The following SHISA9 variants were observed in gnomAD, a reference collection of about 807,000 sequenced individuals.
SHISA9 encodes protein shisa-9.
SHISA9 carries 13 observed loss-of-function variants against 38.0 expected under a neutral mutation model. The ratio of observed to expected loss-of-function variants is 0.34; its 90% confidence interval spans 0.22 to 0.54. The LOEUF is 0.54. SHISA9 is among the 20% of genes least tolerant of loss of function. The probability of loss-of-function intolerance (pLI) is 0.91; values close to 1 mark genes in which losing one functional copy is unlikely to be tolerated. For missense variants in SHISA9, 538 were observed against 575.8 expected, an observed-to-expected ratio of 0.93 and a Z score of 0.67; for synonymous variants, 275 against 242.0, an observed-to-expected ratio of 1.14 and a Z score of -1.27.
In SHISA9 at chr16:13,235,575, G is replaced by C; in HGVS notation, c.*166G>C. ...GGGACACAGAGTCGCGCTTTTCCTA[G>C]GTCATGCCTGTAACGTGTCGGCGGG... On this transcript the variant is annotated 3_prime_UTR_variant, in exon 5 of 5. Transcript: ENST00000558583. 1 of 874,570 alleles carries C rather than the reference G, an allele frequency of 1.1e-6. No homozygotes were observed. Among genetic ancestry groups the C allele is most frequent in the Non-Finnish European group, 1.7e-6 (1 of 591,950 alleles). The allele number at this position is 874,570 out of a possible 1,614,324, so 54.2% of individuals were successfully genotyped here. A position where few individuals can be genotyped will look rare whatever the true frequency, so the allele number is the denominator to read the frequency against.
At chr16:13,436,728 T>G in the SHISA9 span, among the ~76,000 whole-genome samples, 1 of 152,128 alleles carries the variant, frequency 6.6e-6, no homozygotes. Context: ...GAAAACCAAC[T>G]TTAGGCACCT....
chr16:13,234,514 A>G (rs2051361682), intron 4 of SHISA9, among the ~76,000 whole-genome samples: 1 of 149,328 alleles, frequency 6.7e-6, no homozygotes, highest in South Asian at 2.1e-4. Context: ...AACTGCTAAA[A>G]GCAAAAACAA....
At chr16:13,139,852 G>A (rs1269535195) in intron 2 of SHISA9, among the ~76,000 whole-genome samples, 1 of 152,094 alleles carries the variant, frequency 6.6e-6, no homozygotes, top group African/African-American at 2.4e-5. Context: ...CTCAGAAGAG[G>A]CAGGCCTTGC....
chr16:13,074,569 T>C (rs1202195058), intron 2 of SHISA9, among the ~76,000 whole-genome samples: 5 of 152,338 alleles, frequency 3.3e-5, no homozygotes, highest in Middle Eastern at 6.8e-3. Context: ...AAATGAGATA[T>C]ATTCTTCAGC....
chr16:13,133,170 A>C (rs942710767), intron 2 of SHISA9, among the ~76,000 whole-genome samples: 26 of 152,210 alleles, frequency 1.7e-4, no homozygotes, highest in Middle Eastern at 3.2e-3. Flanking sequence ...CTACAGAGCT[A>C]GGTGGAATCT....
chr16:13,260,492 C>G, the SHISA9 span, among the ~76,000 whole-genome samples: 1 of 152,116 alleles, frequency 6.6e-6, no homozygotes, highest in African/African-American at 2.4e-5. Context: ...CAAAATTCCA[C>G]AAGTCTCTAG....
chr16:13,337,543 G>A, the SHISA9 span, among the ~76,000 whole-genome samples: 3 of 152,150 alleles, frequency 2.0e-5, no homozygotes. Context: ...CACCAGTGAA[G>A]TGCCAACATT....
chr16:13,069,215 G>A (rs2073477890), intron 2 of SHISA9, among the ~76,000 whole-genome samples: 1 of 151,882 alleles, frequency 6.6e-6, no homozygotes. Flanking sequence ...TGCATGCAAT[G>A]TGTGTATGTA....
At chr16:13,534,057 A>G in the SHISA9 span, among the ~76,000 whole-genome samples, 1 of 152,084 alleles carries the variant, frequency 6.6e-6, no homozygotes, top group Admixed American at 6.5e-5. Context: ...TGTTGGGATT[A>G]TAGGCGTGAG....
At chr16:13,500,374 C>T in the SHISA9 span, among the ~76,000 whole-genome samples, 1 of 152,146 alleles carries the variant, frequency 6.6e-6, no homozygotes, top group South Asian at 2.1e-4. Context: ...GGTATGTCTT[C>T]ATAGCAGTGT....
At chr16:12,913,865 G>A (rs186304410) in intron 1 of SHISA9, among the ~76,000 whole-genome samples, 6 of 152,076 alleles carry the variant, frequency 3.9e-5, no homozygotes, top group Admixed American at 2.6e-4. Context: ...TACGGCTGGA[G>A]AATATTCCAT....
the SHISA9 span, among the ~76,000 whole-genome samples, chr16:13,367,290 C>T: frequency 6.7e-6 from 1 of 148,164 alleles, no homozygotes; most frequent in Non-Finnish European, 1.5e-5. Flanking sequence ...TCTGTGGTCC[C>T]CATTATGTTG....
At chr16:13,101,909 A>G (rs1261563755) in intron 2 of SHISA9, among the ~76,000 whole-genome samples, 1 of 152,258 alleles carries the variant, frequency 6.6e-6, no homozygotes, top group Non-Finnish European at 1.5e-5. Flanking sequence ...CTTCACACTA[A>G]ATTCCAGATG....
chr16:13,560,522 G>C, the SHISA9 span, among the ~76,000 whole-genome samples: 7 of 152,284 alleles, frequency 4.6e-5, no homozygotes, highest in Middle Eastern at 3.4e-3. Flanking sequence ...TATGAGGCCA[G>C]ACACCTCCAA....
chr16:13,479,589 C>CATAT, the SHISA9 span, among the ~76,000 whole-genome samples: 19 of 151,776 alleles, frequency 1.3e-4, no homozygotes, highest in East Asian at 5.8e-4. Flanking sequence ...TTAATTTATA[C>CATAT]ATATATATAT....
the SHISA9 span, among the ~76,000 whole-genome samples, chr16:13,455,593 T>G: frequency 6.6e-6 from 1 of 152,200 alleles, no homozygotes; most frequent in African/African-American, 2.4e-5. Context: ...ATGTGGAAAT[T>G]GATAATTATG....
chr16:13,024,333 A>G (rs1383875498), intron 2 of SHISA9, among the ~76,000 whole-genome samples: 2 of 152,204 alleles, frequency 1.3e-5, no homozygotes, highest in African/African-American at 4.8e-5. Context: ...TGGGCTTCCA[A>G]CAGCCTGGTG....
At chr16:13,544,461 TGTA>T in the SHISA9 span, among the ~76,000 whole-genome samples, 1 of 146,104 alleles carries the variant, frequency 6.8e-6, no homozygotes, top group African/African-American at 2.5e-5. Flanking sequence ...CGCTGGATGT[TGTA>T]TTTCCACTTT....
At chr16:13,400,737 G>A in the SHISA9 span, among the ~76,000 whole-genome samples, 6 of 152,126 alleles carry the variant, frequency 3.9e-5, no homozygotes, top group South Asian at 2.1e-4. Flanking sequence ...TAGTTTATGC[G>A]GACAACCAGT....
Sources: gnomAD v4.1 joint callset for allele counts (sites outside exome capture counted in the v4.1 genomes callset) on GRCh38, gnomAD v4.1.1 for gene constraint, MANE v1.5 for transcripts, NCBI Gene and HGNC (gene_info 2026-07-23, HGNC 2026-07-21) for gene names.